The following BMAL2 variants were observed in gnomAD, a reference collection of about 807,000 sequenced individuals.
The protein encoded by BMAL2 is basic helix-loop-helix ARNT like 2.
the BMAL2 span, among the ~76,000 whole-genome samples, chr12:27,368,996 C>T: frequency 6.6e-6 from 1 of 152,174 alleles, no homozygotes; most frequent in Non-Finnish European, 1.5e-5. Flanking sequence ...CAGGGCAAGC[C>T]AGGTGCAGTG....
At chr12:27,415,849 T>G in the BMAL2 span, 1 of 1,538,268 alleles carries the variant, frequency 6.5e-7, no homozygotes, top group East Asian at 2.3e-5. Context: ...TAAAAATGTT[T>G]TATGTATCAC....
the BMAL2 span, among the ~76,000 whole-genome samples, chr12:27,375,274 G>A: frequency 1.3e-5 from 2 of 152,020 alleles, no homozygotes; most frequent in Non-Finnish European, 2.9e-5. Flanking sequence ...AATATTATTA[G>A]CCATATTATT....
chr12:27,393,739 G>A, the BMAL2 span, among the ~76,000 whole-genome samples: 1 of 152,168 alleles, frequency 6.6e-6, no homozygotes, highest in East Asian at 1.9e-4. Context: ...TATGTGCCAG[G>A]TACTATGCCA....
At chr12:27,339,647 C>G in the BMAL2 span, among the ~76,000 whole-genome samples, 1 of 148,668 alleles carries the variant, frequency 6.7e-6, no homozygotes, top group East Asian at 2.0e-4. Flanking sequence ...TTTTTTGAGA[C>G]GGAGTCTCGC....
chr12:27,381,745 C>T, the BMAL2 span, among the ~76,000 whole-genome samples: 177 of 152,198 alleles, frequency 1.2e-3, no homozygotes, highest in Non-Finnish European at 2.0e-3. Context: ...ATAGAGTTTT[C>T]GATTTACCAA....
the BMAL2 span, among the ~76,000 whole-genome samples, chr12:27,374,128 A>G: frequency 6.6e-6 from 1 of 152,234 alleles, no homozygotes; most frequent in African/African-American, 2.4e-5. Context: ...TTCATTTGCT[A>G]AAATGCCAAT....
the BMAL2 span, among the ~76,000 whole-genome samples, chr12:27,391,068 T>A: frequency 7.2e-5 from 11 of 152,302 alleles, no homozygotes; most frequent in East Asian, 1.9e-4. Context: ...ATTCTTTTTT[T>A]AAAAATTTTC....
the BMAL2 span, among the ~76,000 whole-genome samples, chr12:27,416,497 T>C: frequency 6.6e-6 from 1 of 152,174 alleles, no homozygotes; most frequent in Non-Finnish European, 1.5e-5. Context: ...TTATTGTATA[T>C]ACAAAAATTA....
chr12:27,358,566 C>G, the BMAL2 span, among the ~76,000 whole-genome samples: 1 of 152,086 alleles, frequency 6.6e-6, no homozygotes, highest in Admixed American at 6.5e-5. Flanking sequence ...GCATTTGCTA[C>G]CTCCTATTCA....
chr12:27,348,350 G>C, the BMAL2 span, among the ~76,000 whole-genome samples: 1 of 152,168 alleles, frequency 6.6e-6, no homozygotes, highest in Non-Finnish European at 1.5e-5. Context: ...GGCATACTTT[G>C]GGGAGGCTTA....
the BMAL2 span, among the ~76,000 whole-genome samples, chr12:27,340,461 T>C: frequency 6.6e-6 from 1 of 152,198 alleles, no homozygotes; most frequent in Non-Finnish European, 1.5e-5. Context: ...TCCAATAGTC[T>C]ATATGTCTGT....
chr12:27,368,170 TAGAAAAG>T, the BMAL2 span: 1 of 1,480,272 alleles, frequency 6.8e-7, no homozygotes, highest in Non-Finnish European at 9.2e-7. Flanking sequence ...AATATCAAGA[TAGAAAAG>T]TCATTTAAAA....
At chr12:27,353,779 C>T in the BMAL2 span, among the ~76,000 whole-genome samples, 1 of 152,014 alleles carries the variant, frequency 6.6e-6, no homozygotes, top group South Asian at 2.1e-4. Flanking sequence ...AGACACTTCT[C>T]AAAAGAAGAC....
chr12:27,397,622 AT>A, the BMAL2 span, among the ~76,000 whole-genome samples: 2 of 152,238 alleles, frequency 1.3e-5, no homozygotes, highest in Non-Finnish European at 2.9e-5. Flanking sequence ...ATAATAAAAG[AT>A]TTTTTAAAAA....
the BMAL2 span, among the ~76,000 whole-genome samples, chr12:27,372,909 G>A: frequency 3.9e-5 from 6 of 152,222 alleles, no homozygotes; most frequent in Non-Finnish European, 8.8e-5. Context: ...TCCTGACCTC[G>A]TGATCTGCCC....
chr12:27,422,275 A>G, the BMAL2 span: 1 of 152,218 alleles, frequency 6.6e-6, no homozygotes, highest in Non-Finnish European at 1.5e-5. Flanking sequence ...TCAGACTTCA[A>G]TGTGGGCTTC....
chr12:27,413,613 C>T, the BMAL2 span, among the ~76,000 whole-genome samples: 2 of 152,106 alleles, frequency 1.3e-5, no homozygotes, highest in Admixed American at 6.5e-5. Flanking sequence ...AACTACAAAA[C>T]AGAGAACAAT....
the BMAL2 span, among the ~76,000 whole-genome samples, chr12:27,343,676 A>G: frequency 1.6e-4 from 25 of 152,240 alleles, no homozygotes; most frequent in Non-Finnish European, 1.6e-4. Context: ...TGTATCAGTC[A>G]GGCCTAGAAC....
the BMAL2 span, among the ~76,000 whole-genome samples, chr12:27,364,667 A>G: frequency 6.6e-6 from 1 of 152,188 alleles, no homozygotes; most frequent in Non-Finnish European, 1.5e-5. Flanking sequence ...ATAGTTGTAT[A>G]TTCCACTTGA....
Sources: allele counts gnomAD v4.1 joint callset (sites outside exome capture counted in the v4.1 genomes callset), GRCh38; gene constraint gnomAD v4.1.1; transcripts MANE v1.5; gene names NCBI Gene and HGNC (gene_info 2026-07-23, HGNC 2026-07-21).